Variants in RGS7 observed in about 807,000 individuals in gnomAD.
RGS7 encodes regulator of G protein signaling 7.
A neutral mutation model predicts 81.1 loss-of-function variants in RGS7; 27 were observed. The observed-to-expected ratio is 0.33, with a 90% CI of 0.25 to 0.46. The LOEUF is 0.46. RGS7 is among the 20% of genes least tolerant of loss of function. RGS7 has a pLI of 1.00. For missense variants in RGS7, 396 were observed against 607.4 expected (o/e 0.65, Z 3.66); for synonymous variants, 208 against 207.7 (o/e 1.00, Z -0.01).
chr1:240,960,232 T>TTTGTTG (rs1558526745), intron 4 of RGS7, among the ~76,000 whole-genome samples: 6 of 70,234 alleles, frequency 8.5e-5, no homozygotes, highest in African/African-American at 2.2e-4. Context: ...TTTTTTTTTT[T>TTTGTTG]TTGTTGTTGT....
intron 16 of RGS7, among the ~76,000 whole-genome samples, chr1:240,802,557 T>C (rs1688197257): frequency 6.6e-6 from 1 of 152,164 alleles, no homozygotes; most frequent in African/African-American, 2.4e-5. Flanking sequence ...GAAACCTCTC[T>C]TCAAGTTTTT....
At chr1:240,949,307 G>T (rs1200670028) in intron 4 of RGS7, among the ~76,000 whole-genome samples, 2 of 151,824 alleles carry the variant, frequency 1.3e-5, no homozygotes, top group Admixed American at 6.6e-5. Flanking sequence ...ACTCATACCA[G>T]GTTTTATTAA....
At chr1:241,156,165 GATAGATAC>G (rs2069126126) in intron 2 of RGS7, among the ~76,000 whole-genome samples, 1 of 143,780 alleles carries the variant, frequency 7.0e-6, no homozygotes, top group African/African-American at 2.7e-5. Context: ...TAGATAGATA[GATAGATAC>G]ATATACATAG....
intron 18 of RGS7, among the ~76,000 whole-genome samples, chr1:240,777,522 T>A (rs1683177856): frequency 6.6e-6 from 1 of 152,120 alleles, no homozygotes; most frequent in Admixed American, 6.6e-5. Context: ...TAGAAAGGGG[T>A]CAGCGGTGAT....
intron 3 of RGS7, among the ~76,000 whole-genome samples, chr1:241,070,952 C>T (rs879225685): frequency 1.3e-5 from 2 of 152,120 alleles, no homozygotes; most frequent in Admixed American, 1.3e-4. Context: ...CCAGCAAGCA[C>T]CAAGAAACAG....
At chr1:241,175,096 G>T (rs1179475129) in intron 2 of RGS7, among the ~76,000 whole-genome samples, 1 of 151,568 alleles carries the variant, frequency 6.6e-6, no homozygotes, top group African/African-American at 2.4e-5. Flanking sequence ...TATAGACAGG[G>T]TTTCACTATG....
intron 4 of RGS7, among the ~76,000 whole-genome samples, chr1:240,975,297 G>C (rs1683898018): frequency 6.6e-6 from 1 of 152,128 alleles, no homozygotes; most frequent in Non-Finnish European, 1.5e-5. Flanking sequence ...AGCTACTCAG[G>C]AGGCTGAGGC....
intron 3 of RGS7, among the ~76,000 whole-genome samples, chr1:241,088,926 G>T (rs561554235): frequency 2.0e-5 from 3 of 150,114 alleles, no homozygotes; most frequent in South Asian, 4.2e-4. Context: ...CAGGAGAATC[G>T]CTTGAACCTG....
intron 2 of RGS7, among the ~76,000 whole-genome samples, chr1:241,324,586 C>T (rs894657341): frequency 6.6e-6 from 1 of 152,196 alleles, no homozygotes; most frequent in African/African-American, 2.4e-5. Flanking sequence ...TAATTAAATA[C>T]TCTTCTGGAA....
chr1:241,307,767 G>T (rs767317286), intron 2 of RGS7, among the ~76,000 whole-genome samples: 1 of 152,024 alleles, frequency 6.6e-6, no homozygotes, highest in Non-Finnish European at 1.5e-5. Context: ...CACAACAGAT[G>T]CTAAGTCAAT....
chr1:241,212,489 C>G (rs2074301176), intron 2 of RGS7, among the ~76,000 whole-genome samples: 1 of 152,034 alleles, frequency 6.6e-6, no homozygotes, highest in Non-Finnish European at 1.5e-5. Flanking sequence ...GTAGCCAGTC[C>G]TGTGGTGTGA....
chr1:241,315,107 CTTTTTTTTTTTT>C (rs5782184), intron 2 of RGS7, among the ~76,000 whole-genome samples: 1 of 57,432 alleles, frequency 1.7e-5, no homozygotes, highest in Non-Finnish European at 2.9e-5. Flanking sequence ...TCTTCTTCTT[CTTTTTTTTTTTT>C]TTTTTTTTTT....
rs375066569 is a variant in RGS7 at position 240,912,287 on chromosome 1, C to G, written c.385+18430G>C. On this transcript the variant is annotated intron_variant, in intron 6 of 18. Coordinates refer to ENST00000440928, the MANE Select transcript of RGS7 (RefSeq NM_001364886.1). Reference sequence around the variant, plus strand: ...ATTATTTAAAATGTAGTTGGACAAGCAGGAGTAACATTTAAAATGAGACAA... The same window carrying G: ...ATTATTTAAAATGTAGTTGGACAAGGAGGAGTAACATTTAAAATGAGACAA... Among the ~76,000 whole-genome samples the G allele has an allele frequency of 2.7e-5, 4 of 150,830 alleles. 1 individual carries two copies. The highest frequency in any genetic ancestry group is 9.7e-5 in the African/African-American group (4 of 41,026).
At position 240,993,277 on chromosome 1, in the gene RGS7, A is replaced by AAGAG. The variant is rs202089970; in HGVS notation, c.176-10152_176-10149dup. Among the ~76,000 whole-genome samples the AAGAG allele has an allele frequency of 3.0e-3, 451 of 151,554 alleles. 1 individual carries two copies. Among genetic ancestry groups the AAGAG allele is most frequent in the Non-Finnish European group, 4.9e-3 (331 of 67,782 alleles). Reference sequence around the variant, plus strand: ...AGAAAGAAAGAAAGAAAAAGAAAGAAAGAGAGAGAGAGAGAAAGAAAGAGC... The same window carrying AAGAG: ...AGAAAGAAAGAAAGAAAAAGAAAGAAAGAGAGAGAGAGAGAGAGAAAGAAAGAGC... On this transcript the variant is annotated intron_variant, in intron 3 of 18. Transcript: ENST00000440928.
chr1:241,058,992 C>T (rs1173086291), intron 3 of RGS7, among the ~76,000 whole-genome samples: 1 of 152,174 alleles, frequency 6.6e-6, no homozygotes, highest in Non-Finnish European at 1.5e-5. Context: ...GTCAACAACA[C>T]ACTTCGAAAG....
At chr1:241,074,147 C>T (rs1354782419) in intron 3 of RGS7, among the ~76,000 whole-genome samples, 1 of 152,174 alleles carries the variant, frequency 6.6e-6, no homozygotes, top group Non-Finnish European at 1.5e-5. Context: ...ACCCACCCAT[C>T]TCAGCCCCTC....
At chr1:241,296,555 T>A (rs928159747) in intron 2 of RGS7, among the ~76,000 whole-genome samples, 18 of 152,232 alleles carry the variant, frequency 1.2e-4, no homozygotes, top group Admixed American at 3.3e-4. Context: ...TGGAGTCCAA[T>A]ATCCTAAGTG....
chr1:240,897,607 C>G (rs1440687619), intron 6 of RGS7, among the ~76,000 whole-genome samples: 1 of 152,118 alleles, frequency 6.6e-6, no homozygotes, highest in Non-Finnish European at 1.5e-5. Flanking sequence ...TATGTTGAAC[C>G]AGCCTTGCAT....
chr1:240,831,860 C>A (rs1693912353), intron 9 of RGS7, among the ~76,000 whole-genome samples: 1 of 152,158 alleles, frequency 6.6e-6, no homozygotes, highest in East Asian at 1.9e-4. Flanking sequence ...TGGTCTCGAA[C>A]TCCTGACCTC....
Sources: gnomAD v4.1 joint callset for allele counts (sites outside exome capture counted in the v4.1 genomes callset) on GRCh38, gnomAD v4.1.1 for gene constraint, MANE v1.5 for transcripts, NCBI Gene and HGNC (gene_info 2026-07-23, HGNC 2026-07-21) for gene names.